Variants in MALRD1 observed in about 807,000 individuals in gnomAD.
The protein encoded by MALRD1 is MAM and LDL receptor class A domain containing 1.
In MALRD1, 247 loss-of-function variants were observed where a neutral mutation model predicts 242.1. The observed-to-expected ratio is 1.02, with a 90% confidence interval of 0.92 to 1.13. The LOEUF (loss-of-function observed/expected upper bound fraction) is 1.13. Ranked by LOEUF, MALRD1 falls within the 50% of genes most tolerant of loss-of-function variation. The probability of loss-of-function intolerance (pLI) is 0.00; values close to 1 mark genes in which losing one functional copy is unlikely to be tolerated. For missense variants in MALRD1, 2,989 were observed against 2,533.1 expected, an observed-to-expected ratio of 1.18 and a Z score of -3.86; for synonymous variants, 995 against 866.6, an observed-to-expected ratio of 1.15 and a Z score of -2.60.
chr10:19,051,354 C>T (rs1340555205), intron 1 of MALRD1: 1 of 151,804 alleles, frequency 6.6e-6, no homozygotes, highest in Non-Finnish European at 1.5e-5. Flanking sequence ...ATTAATGTGT[C>T]AACTTTTCTG....
intron 36 of MALRD1, among the ~76,000 whole-genome samples, chr10:19,651,163 T>G (rs72782165): frequency 0.016 from 2,488 of 152,334 alleles, 33 homozygotes; most frequent in Non-Finnish European, 0.026. Flanking sequence ...AAGAATTTAG[T>G]TACTATCTTA....
At chr10:19,387,826 C>T in intron 27 of MALRD1, 53 bp downstream of exon 27, 2 of 1,512,406 alleles carry the variant, frequency 1.3e-6, no homozygotes, top group African/African-American at 1.4e-5. Flanking sequence ...CAATGTACAT[C>T]AAAATGTCTT....
chr10:19,160,062 T>C (rs1330003704), intron 12 of MALRD1, among the ~76,000 whole-genome samples: 3 of 152,180 alleles, frequency 2.0e-5, no homozygotes, highest in Non-Finnish European at 2.9e-5. Flanking sequence ...TGAATAGTCA[T>C]ACTATATATA....
chr10:19,425,760 C>T (rs868675374), intron 28 of MALRD1, among the ~76,000 whole-genome samples: 6 of 152,098 alleles, frequency 3.9e-5, no homozygotes, highest in South Asian at 2.1e-4. Context: ...ATAGTTTTAG[C>T]ATGGAAACGT....
chr10:19,174,888 C>CA (rs1468287691), intron 13 of MALRD1, among the ~76,000 whole-genome samples: 1 of 152,080 alleles, frequency 6.6e-6, no homozygotes, highest in Non-Finnish European at 1.5e-5. Context: ...GTAAGTCACA[C>CA]AGTTGATTAC....
chr10:19,587,615 A>G (rs1487137052), intron 33 of MALRD1, among the ~76,000 whole-genome samples: 1 of 152,274 alleles, frequency 6.6e-6, no homozygotes, highest in Non-Finnish European at 1.5e-5. Context: ...TATAAGAAAT[A>G]TGTTTCTACT....
At chr10:19,627,040 A>G (rs1023371085) in intron 36 of MALRD1, among the ~76,000 whole-genome samples, 9 of 152,146 alleles carry the variant, frequency 5.9e-5, no homozygotes, top group African/African-American at 2.2e-4. Context: ...AAGTCTACAA[A>G]TAGCTTAACG....
At chr10:19,368,921 G>A (rs5002419) in intron 26 of MALRD1, among the ~76,000 whole-genome samples, 111,536 of 146,738 alleles carry the variant, frequency 0.76, 42,896 homozygotes, top group African/African-American at 0.86. Flanking sequence ...GTGTGTGTGT[G>A]TATGTAATTT....
intron 4 of MALRD1, among the ~76,000 whole-genome samples, chr10:19,097,301 T>C (rs1441977350): frequency 3.3e-5 from 5 of 152,168 alleles, no homozygotes; most frequent in Non-Finnish European, 7.3e-5. Context: ...AATAATGTTT[T>C]TATTATGTTA....
At chr10:19,442,544 G>T (rs1166205835) in intron 28 of MALRD1, among the ~76,000 whole-genome samples, 1 of 152,020 alleles carries the variant, frequency 6.6e-6, no homozygotes, top group Non-Finnish European at 1.5e-5. Flanking sequence ...GTTGAATTTT[G>T]TCAAAGGCCT....
intron 18 of MALRD1, among the ~76,000 whole-genome samples, chr10:19,225,184 A>G (rs1467844540): frequency 6.6e-6 from 1 of 152,178 alleles, no homozygotes; most frequent in Non-Finnish European, 1.5e-5. Context: ...GGGAAAAACA[A>G]CAAGCGTATA....
chr10:19,171,455 T>C lies in MALRD1; in HGVS notation c.1831-3753T>C, dbSNP rs199738592. Among the ~76,000 whole-genome samples, 109 of 83,136 alleles carry C rather than the reference T, an allele frequency of 1.3e-3. 5 individuals carry two copies. The East Asian group carries it at 0.017, about 13-fold the overall frequency. The allele number at this position is 83,136 out of a possible 152,430, so 54.5% of individuals were successfully genotyped here. ...ATATATATATATATATATATATATA[T>C]ATACACACATGTATATACACACACA... On this transcript the variant is annotated intron_variant, in intron 13 of 39. Transcript: ENST00000454679.
chr10:19,081,617 G>A (rs1835494150), intron 2 of MALRD1, among the ~76,000 whole-genome samples: 1 of 152,056 alleles, frequency 6.6e-6, no homozygotes, highest in African/African-American at 2.4e-5. Flanking sequence ...CCTGTCAGGA[G>A]GGGAGAGGGG....
At chr10:19,641,675 T>C (rs1589347429) in intron 36 of MALRD1, among the ~76,000 whole-genome samples, 1 of 152,278 alleles carries the variant, frequency 6.6e-6, no homozygotes. Context: ...AGAATTAGCA[T>C]TGTGGCTATG....
chr10:19,046,993 T>C (rs1834353701), upstream of MALRD1, among the ~76,000 whole-genome samples: 1 of 152,078 alleles, frequency 6.6e-6, no homozygotes, highest in Non-Finnish European at 1.5e-5. Flanking sequence ...GTAAGCTGTG[T>C]TTGTAAGCTA....
At chr10:19,488,380 T>TATAA (rs779655998) in intron 29 of MALRD1, among the ~76,000 whole-genome samples, 3 of 152,166 alleles carry the variant, frequency 2.0e-5, no homozygotes, top group Non-Finnish European at 2.9e-5. Flanking sequence ...GCCAGCCATG[T>TATAA]ATAAATAGCT....
At chr10:19,657,700 A>C (rs544117130) in intron 36 of MALRD1, among the ~76,000 whole-genome samples, 3 of 152,308 alleles carry the variant, frequency 2.0e-5, no homozygotes, top group African/African-American at 7.2e-5. Flanking sequence ...TAAACAACCA[A>C]TTATACTCTG....
chr10:19,189,982 C>G (rs898505549), intron 14 of MALRD1, among the ~76,000 whole-genome samples: 2 of 151,378 alleles, frequency 1.3e-5, no homozygotes, highest in Non-Finnish European at 2.9e-5. Context: ...TAAAACATAA[C>G]AAAAAAGAAA....
chr10:19,108,847 G>A (rs75994757), intron 5 of MALRD1, among the ~76,000 whole-genome samples: 5,181 of 152,210 alleles, frequency 0.034, 138 homozygotes, highest in Middle Eastern at 0.061. Context: ...GTACTGGAGA[G>A]TTATTGTGTT....
Sources: allele counts gnomAD v4.1 joint callset (sites outside exome capture counted in the v4.1 genomes callset), GRCh38; gene constraint gnomAD v4.1.1; transcripts MANE v1.5; gene names NCBI Gene and HGNC (gene_info 2026-07-23, HGNC 2026-07-21).